The following ZDHHC23 variants were observed in gnomAD, a reference collection of about 807,000 sequenced individuals.
ZDHHC23 encodes palmitoyltransferase ZDHHC23.
ZDHHC23 carries 41 observed loss-of-function variants against 40.2 expected under a neutral mutation model. The ratio of observed to expected loss-of-function variants is 1.02; its 90% confidence interval spans 0.79 to 1.32. The LOEUF is 1.32. Ranked by LOEUF, ZDHHC23 falls within the 40% of genes most tolerant of loss-of-function variation. ZDHHC23 has a pLI of 0.00. For synonymous variants in ZDHHC23, 204 were observed against 210.2 expected (o/e 0.97, Z 0.26); for missense variants, 471 against 541.5 (o/e 0.87, Z 1.29).
intron 1 of ZDHHC23, chr3:113,948,479 G>C: frequency 3.6e-6 from 1 of 274,562 alleles, no homozygotes; most frequent in Non-Finnish European, 7.0e-6. Flanking sequence ...GCAACCGCCC[G>C]CGCCCCGGCT....
chr3:113,957,469 C>T, intron 4 of ZDHHC23: 1 of 354,050 alleles, frequency 2.8e-6, no homozygotes, highest in Non-Finnish European at 5.5e-6. Flanking sequence ...GAATGAAATT[C>T]TCTGCTAACG....
At chr3:113,979,159 T>C in the ZDHHC23 span, 1 of 738,182 alleles carries the variant, frequency 1.4e-6, no homozygotes, top group East Asian at 2.7e-5. Flanking sequence ...TCCTAAAAGC[T>C]TTGACTGTTG....
At chr3:113,974,153 G>T in the ZDHHC23 span, among the ~76,000 whole-genome samples, 2 of 151,780 alleles carry the variant, frequency 1.3e-5, no homozygotes, top group Admixed American at 1.3e-4. Context: ...AAATTTATCT[G>T]AAAAATTTCT....
At chr3:113,964,105 T>C (rs1186582181), downstream of ZDHHC23, 4 of 152,178 alleles carry the variant, frequency 2.6e-5, no homozygotes, top group Non-Finnish European at 5.9e-5. Flanking sequence ...CTAGATATCC[T>C]TTCTAGGAAG....
Position 113,960,465 on chromosome 3 carries a change from T to G in ZDHHC23, c.*1835T>G, listed in dbSNP as rs79911670. The G allele has an allele frequency of 2.7e-3, 3,783 of 1,378,226 alleles. 82 individuals are homozygous for G. In the African/African-American group the frequency reaches 0.051, roughly 19 times the overall value. 85.4% of individuals were successfully genotyped at this position (1,378,226 alleles called of 1,614,324 possible). ...TTTTACATAAGAGAGACAGTAATAA[T>G]GTCAAGGATAGCCTGTGTGGGCAGA... On this transcript the variant is annotated 3_prime_UTR_variant, in exon 5 of 5. Transcript: ENST00000638807.
In ZDHHC23 at chr3:113,954,436, G is replaced by A. The variant is rs772812306; in HGVS notation, c.872+26G>A. 45 of 1,519,300 alleles carry A rather than the reference G, an allele frequency of 3.0e-5. No homozygotes were observed. The East Asian group carries it at 1.1e-3, about 37-fold the overall frequency. The allele number at this position is 1,519,300 out of a possible 1,614,324, so 94.1% of individuals were successfully genotyped here. ...GTATGTTGGAAACATTTGGAGACTT[G>A]GAAAGTGTAAATTCATGTAAAACTC... On this transcript the variant is annotated intron_variant, in intron 3 of 4. Coordinates refer to ENST00000638807, the MANE Select transcript of ZDHHC23 (RefSeq NM_001320466.2).
At chr3:113,965,144 A>G, downstream of ZDHHC23, 3 of 1,567,238 alleles carry the variant, frequency 1.9e-6, no homozygotes, top group South Asian at 3.6e-5. Flanking sequence ...TAAATATTAC[A>G]CTAATCTGGC....
downstream of ZDHHC23, chr3:113,964,746 T>C (rs1412711422): frequency 6.5e-6 from 1 of 152,698 alleles, no homozygotes; most frequent in East Asian, 1.9e-4. Context: ...CTGAGTGCCT[T>C]GGCCCGCCCT....
chr3:113,957,888 C>T (rs751431312), intron 4 of ZDHHC23: 8 of 503,864 alleles, frequency 1.6e-5, no homozygotes, highest in South Asian at 7.2e-5. Flanking sequence ...AGTCGTCCAT[C>T]GTCTTTTCAT....
rs181781544 is a variant in ZDHHC23, at chr3:113,953,567, G to T, written c.162-133G>T. Reference sequence around the variant, plus strand: ...ATGTGAATCTGAAAAGCTTAATTTAGTAGTAAGGAAGTAAAATGCTTGGTC... The same window carrying T: ...ATGTGAATCTGAAAAGCTTAATTTATTAGTAAGGAAGTAAAATGCTTGGTC... On this transcript the variant is annotated intron_variant, in intron 2 of 4. Transcript: ENST00000638807. 60 of 725,198 alleles carry T rather than the reference G, an allele frequency of 8.3e-5. 1 individual carries two copies. The African/African-American group carries it at 1.0e-3, about 12-fold the overall frequency. The allele number at this position is 725,198 out of a possible 1,614,324, so 44.9% of individuals were successfully genotyped here.
chr3:113,968,103 A>G (rs1466743451), downstream of ZDHHC23, among the ~76,000 whole-genome samples: 2 of 152,210 alleles, frequency 1.3e-5, no homozygotes, highest in African/African-American at 4.8e-5. Flanking sequence ...ACGGACATGC[A>G]AATATCTCTT....
chr3:113,969,119 C>T (rs945269750), downstream of ZDHHC23, among the ~76,000 whole-genome samples: 1 of 152,170 alleles, frequency 6.6e-6, no homozygotes, highest in African/African-American at 2.4e-5. Flanking sequence ...AGTGAGAATG[C>T]ACTCATTTAC....
At chr3:113,965,954 G>A (rs1232358312), downstream of ZDHHC23, among the ~76,000 whole-genome samples, 2 of 151,920 alleles carry the variant, frequency 1.3e-5, no homozygotes, top group African/African-American at 4.8e-5. Context: ...TTTGAGCAGA[G>A]CACCAAATGG....
the ZDHHC23 span, among the ~76,000 whole-genome samples, chr3:113,974,235 G>C: frequency 2.0e-5 from 3 of 151,490 alleles, 1 homozygote; most frequent in Middle Eastern, 6.3e-3. Flanking sequence ...GTTGGTTAGA[G>C]TTTACATATT....
At chr3:113,972,269 T>A in the ZDHHC23 span, among the ~76,000 whole-genome samples, 1 of 152,260 alleles carries the variant, frequency 6.6e-6, no homozygotes, top group Non-Finnish European at 1.5e-5. Context: ...GATTTTGATC[T>A]ATGATATTTC....
the ZDHHC23 span, among the ~76,000 whole-genome samples, chr3:113,975,672 C>G: frequency 5.9e-5 from 9 of 152,052 alleles, no homozygotes; most frequent in African/African-American, 2.2e-4. Flanking sequence ...GACAGTGATG[C>G]AAGTAGGGTG....
intron 2 of ZDHHC23, among the ~76,000 whole-genome samples, chr3:113,953,153 T>A (rs934934396): frequency 6.6e-6 from 1 of 151,522 alleles, no homozygotes; most frequent in African/African-American, 2.4e-5. Context: ...GCTGCACACA[T>A]TTCTTTCCAC....
the ZDHHC23 span, among the ~76,000 whole-genome samples, chr3:113,974,946 T>C: frequency 6.6e-6 from 1 of 152,200 alleles, no homozygotes; most frequent in Admixed American, 6.5e-5. Context: ...TATTTTTTTA[T>C]GCTTGGTAAA....
Position 113,959,552 on chromosome 3 carries a change from G to A in ZDHHC23, c.*922G>A. The stretch of plus-strand genomic sequence containing the variant: ...TGCTAGCACACTTGTGACTGTGGCT[G>A]GAAGAGGAGAACAGACACTCCTGTG... On this transcript the variant is annotated 3_prime_UTR_variant, in exon 5 of 5. Coordinates refer to ENST00000638807, the MANE Select transcript of ZDHHC23 (RefSeq NM_001320466.2). The A allele has an allele frequency of 7.9e-7, 1 of 1,267,498 alleles. No individual in the cohort carries two copies. Among genetic ancestry groups the A allele is most frequent in the South Asian group, 1.3e-5 (1 of 79,134 alleles). The allele number at this position is 1,267,498 out of a possible 1,614,324, so 78.5% of individuals were successfully genotyped here. A position where few individuals can be genotyped will look rare whatever the true frequency, so the allele number is the denominator to read the frequency against.
Sources: gnomAD v4.1 joint callset for allele counts (sites outside exome capture counted in the v4.1 genomes callset) on GRCh38, gnomAD v4.1.1 for gene constraint, MANE v1.5 for transcripts, NCBI Gene and HGNC (gene_info 2026-07-23, HGNC 2026-07-21) for gene names.